ROR1: variants seen among roughly 807,000 people sequenced by gnomAD.
ROR1 encodes ROR family WNT receptor 1.
In ROR1, 19 loss-of-function variants were observed where a neutral mutation model predicts 78.8. The observed-to-expected ratio is 0.24, with a 90% confidence interval of 0.17 to 0.35. The LOEUF (loss-of-function observed/expected upper bound fraction) is 0.35, where lower values mean the gene tolerates loss of function less well. Among genes scored for constraint, ROR1 ranks in the 10% least tolerant of loss-of-function variants. The pLI, the probability that ROR1 is intolerant of heterozygous loss-of-function variation, is 1.00. For synonymous variants in ROR1, 386 were observed against 433.6 expected (o/e 0.89, Z 1.36); for missense variants, 917 against 1,177.8 (o/e 0.78, Z 3.24).
intron 1 of ROR1, among the ~76,000 whole-genome samples, chr1:63,999,040 C>T (rs897458905): frequency 2.6e-5 from 4 of 152,174 alleles, no homozygotes; most frequent in African/African-American, 9.7e-5. Flanking sequence ...TCTCCAGCCA[C>T]GTGGAATTGT....
At position 63,914,048 on chromosome 1, in the gene ROR1, G is replaced by A. The variant is rs72683073; in HGVS notation, c.92-95257G>A. Among the ~76,000 whole-genome samples the A allele has an allele frequency of 6.5e-3, 981 of 150,954 alleles. 6 individuals are homozygous for A. Among genetic ancestry groups the A allele is most frequent in the South Asian group, 0.021 (101 of 4,702 alleles). On this transcript the variant is annotated intron_variant, in intron 1 of 8. Transcript: ENST00000371079. The stretch of plus-strand genomic sequence containing the variant: ...AGCTCTAGGTTAGGTGTATAAAAGA[G>A]ATGGCTAAGTTTGGGAAGCCGCATT...
intron 1 of ROR1, among the ~76,000 whole-genome samples, chr1:63,784,818 C>A (rs1424514679): frequency 1.3e-5 from 2 of 152,222 alleles, no homozygotes; most frequent in African/African-American, 4.8e-5. Context: ...GTGATCGAAG[C>A]TACATCTCTC....
At chr1:64,142,010 T>C (rs1009064140) in intron 6 of ROR1, among the ~76,000 whole-genome samples, 5 of 152,184 alleles carry the variant, frequency 3.3e-5, no homozygotes, top group South Asian at 2.1e-4. Flanking sequence ...AGATTCCTTA[T>C]TACATGATTT....
rs1208813882 is a variant in ROR1, at chr1:64,014,740, C to CTATATA, written c.163+5393_163+5398dup. Among the ~76,000 whole-genome samples, 66 of 29,038 alleles carry CTATATA rather than the reference C, an allele frequency of 2.3e-3. 6 individuals carry two copies. Among genetic ancestry groups the CTATATA allele is most frequent in the African/African-American group, 5.9e-3 (53 of 8,962 alleles). 19.1% of individuals were successfully genotyped at this position (29,038 alleles called of 152,430 possible). On this transcript the variant is annotated intron_variant, in intron 2 of 8. Transcript: ENST00000371079. ...ATATATATATATACACATACGCACA[C>CTATATA]TATATATATATATATATATATATAT... is the stretch of plus-strand genomic sequence containing the variant.
chr1:64,070,962 G>A (rs906021502), intron 4 of ROR1, among the ~76,000 whole-genome samples: 2 of 152,214 alleles, frequency 1.3e-5, no homozygotes, highest in Non-Finnish European at 2.9e-5. Flanking sequence ...GCTGACCTCT[G>A]AGGAACAGAG....
intron 1 of ROR1, among the ~76,000 whole-genome samples, chr1:63,988,161 A>T (rs1646266546): frequency 6.6e-6 from 1 of 152,224 alleles, no homozygotes. Context: ...AATGTGCTTT[A>T]CAAACAATGA....
chr1:63,858,675 T>A (rs1361201702), intron 1 of ROR1, among the ~76,000 whole-genome samples: 1 of 152,168 alleles, frequency 6.6e-6, no homozygotes, highest in Admixed American at 6.5e-5. Flanking sequence ...ATGAGGGTAT[T>A]TTCTTCACTT....
chr1:64,072,573 T>C lies in ROR1; in HGVS notation c.482+21857T>C, dbSNP rs182602271. Among the ~76,000 whole-genome samples the C allele has an allele frequency of 1.9e-3, 289 of 152,292 alleles. 1 individual carries two copies. Among genetic ancestry groups the C allele is most frequent in the African/African-American group, 6.7e-3 (277 of 41,568 alleles). On this transcript the variant is annotated intron_variant, in intron 4 of 8. Transcript: ENST00000371079. The stretch of plus-strand genomic sequence containing the variant: ...TTACTGGGGCCAATATAAATATGTT[T>C]GTGGGGAGAGGAGAACAAAGACCTC...
intron 1 of ROR1, among the ~76,000 whole-genome samples, chr1:63,891,773 G>A (rs2100389809): frequency 6.6e-6 from 1 of 152,238 alleles, no homozygotes; most frequent in Middle Eastern, 3.4e-3. Flanking sequence ...GGACATCAAA[G>A]ATCCTAGTTC....
At chr1:63,860,125 C>T (rs183834037) in intron 1 of ROR1, among the ~76,000 whole-genome samples, 1 of 152,148 alleles carries the variant, frequency 6.6e-6, no homozygotes, top group Non-Finnish European at 1.5e-5. Flanking sequence ...CGATTCCTGG[C>T]ACACAGGATC....
intron 1 of ROR1, among the ~76,000 whole-genome samples, chr1:63,940,486 TA>T (rs1645828646): frequency 1.0e-5 from 1 of 96,972 alleles, no homozygotes; most frequent in Non-Finnish European, 2.3e-5. Flanking sequence ...GATAGACAGA[TA>T]GATAGACAGA....
intron 1 of ROR1, among the ~76,000 whole-genome samples, chr1:63,944,417 G>A (rs187105492): frequency 1.2e-4 from 18 of 152,332 alleles, no homozygotes; most frequent in Admixed American, 5.9e-4. Flanking sequence ...TGGGCCCACA[G>A]CATTTTCATT....
chr1:64,126,675 C>T (rs1648723723), intron 4 of ROR1, among the ~76,000 whole-genome samples: 1 of 152,200 alleles, frequency 6.6e-6, no homozygotes, highest in Non-Finnish European at 1.5e-5. Flanking sequence ...GACCAAGACC[C>T]TGGTCTTCTC....
chr1:63,969,044 G>T (rs1264121529), intron 1 of ROR1, among the ~76,000 whole-genome samples: 2 of 152,158 alleles, frequency 1.3e-5, no homozygotes, highest in African/African-American at 2.4e-5. Context: ...AGCCTGCAGG[G>T]GGGTGTGGGA....
intron 1 of ROR1, among the ~76,000 whole-genome samples, chr1:63,963,062 T>C (rs1169097601): frequency 6.6e-6 from 1 of 152,184 alleles, no homozygotes; most frequent in Non-Finnish European, 1.5e-5. Flanking sequence ...TGGTGTACAC[T>C]AGACAGTGAG....
chr1:64,038,484 C>G lies in ROR1; in HGVS notation c.164-11207C>G, dbSNP rs1569600545. 2.0e-5 allele frequency among the ~76,000 whole-genome samples: 3 copies of G among 152,292 alleles called. No homozygotes were observed. In the South Asian group the frequency reaches 6.2e-4, roughly 32 times the overall value. Reference sequence around the variant, plus strand: ...TCCCTAGAATAGCTCTGCTTTCCTTCCAGATCTTAAGGGGCTCCTGAAGGA... The same window carrying G: ...TCCCTAGAATAGCTCTGCTTTCCTTGCAGATCTTAAGGGGCTCCTGAAGGA... On this transcript the variant is annotated intron_variant, in intron 2 of 8. Transcript: ENST00000371079.
intron 1 of ROR1, among the ~76,000 whole-genome samples, chr1:63,809,114 C>G (rs1644845818): frequency 6.6e-6 from 1 of 152,140 alleles, no homozygotes; most frequent in African/African-American, 2.4e-5. Flanking sequence ...ACAGCCAATT[C>G]CAGGCAAGGC....
At chr1:63,959,180 G>A (rs557440140) in intron 1 of ROR1, among the ~76,000 whole-genome samples, 1 of 152,090 alleles carries the variant, frequency 6.6e-6, no homozygotes, top group Non-Finnish European at 1.5e-5. Flanking sequence ...GAACAAAAGG[G>A]GGAAAAGCCC....
chr1:63,915,812 C>T (rs999153015), intron 1 of ROR1, among the ~76,000 whole-genome samples: 1 of 152,070 alleles, frequency 6.6e-6, no homozygotes. Flanking sequence ...ACAATTGGCA[C>T]TTGGTGCTCC....
Sources: allele counts gnomAD v4.1 joint callset (sites outside exome capture counted in the v4.1 genomes callset), GRCh38; gene constraint gnomAD v4.1.1; transcripts MANE v1.5; gene names NCBI Gene and HGNC (gene_info 2026-07-23, HGNC 2026-07-21).